Variants in UNC80 observed in about 807,000 individuals in gnomAD.
The protein encoded by UNC80 is protein unc-80 homolog.
UNC80 carries 164 observed loss-of-function variants against 384.6 expected under a neutral mutation model. The observed-to-expected ratio is 0.43, with a 90% CI of 0.38 to 0.49. The LOEUF (loss-of-function observed/expected upper bound fraction) is 0.49. Among genes scored for constraint, UNC80 ranks in the 20% least tolerant of loss-of-function variants. UNC80 has a pLI of 0.00. For synonymous variants in UNC80, 1,486 were observed against 1,527.8 expected (o/e 0.97, Z 0.64); for missense variants, 3,330 against 4,143.0 (o/e 0.80, Z 5.39).
At chr2:209,956,605 G>C (rs1215424615) in intron 48 of UNC80, among the ~76,000 whole-genome samples, 1 of 151,422 alleles carries the variant, frequency 6.6e-6, no homozygotes, top group Non-Finnish European at 1.5e-5. Context: ...TATACTTTAA[G>C]TTTTAGGGTA....
intron 7 of UNC80, among the ~76,000 whole-genome samples, chr2:209,805,710 C>T (rs2078851332): frequency 6.6e-6 from 1 of 151,816 alleles, no homozygotes; most frequent in African/African-American, 2.4e-5. Context: ...ATAACCTAAT[C>T]TTCTATAACC....
At chr2:209,960,403 G>A (rs1445942360) in intron 51 of UNC80, among the ~76,000 whole-genome samples, 9 of 152,190 alleles carry the variant, frequency 5.9e-5, no homozygotes, top group Admixed American at 5.9e-4. Flanking sequence ...CCGTATTTGT[G>A]TTTCAAAAGG....
chr2:209,984,111 G>A (rs2125024850), intron 60 of UNC80, among the ~76,000 whole-genome samples: 1 of 152,270 alleles, frequency 6.6e-6, no homozygotes, highest in South Asian at 2.1e-4. Context: ...AAGCATGACA[G>A]TTTCTGTTCA....
At chr2:209,991,472 T>TG (rs1367354776) in intron 61 of UNC80, among the ~76,000 whole-genome samples, 1 of 152,192 alleles carries the variant, frequency 6.6e-6, no homozygotes, top group Non-Finnish European at 1.5e-5. Flanking sequence ...ACAGTAAATT[T>TG]GGGGGGAGCA....
chr2:209,940,106 A>T (rs1329276435), intron 43 of UNC80, among the ~76,000 whole-genome samples: 1 of 152,238 alleles, frequency 6.6e-6, no homozygotes, highest in South Asian at 2.1e-4. Flanking sequence ...GCTAGTCATC[A>T]GCAGTTGAAG....
At chr2:209,810,566 C>G (rs185188531) in intron 7 of UNC80, among the ~76,000 whole-genome samples, 1 of 148,916 alleles carries the variant, frequency 6.7e-6, no homozygotes, top group Admixed American at 6.6e-5. Flanking sequence ...CCTTCGTATC[C>G]TTCTTGGAAG....
At chr2:209,837,802 C>T (rs1275483205) in intron 18 of UNC80, among the ~76,000 whole-genome samples, 5 of 148,228 alleles carry the variant, frequency 3.4e-5, no homozygotes, top group African/African-American at 1.2e-4. Flanking sequence ...GACGGAGTCT[C>T]GCTCTTTCGC....
chr2:209,788,952 CT>C (rs1459191905), intron 5 of UNC80, among the ~76,000 whole-genome samples: 2 of 152,088 alleles, frequency 1.3e-5, no homozygotes, highest in Non-Finnish European at 2.9e-5. Flanking sequence ...ATCTTTTATA[CT>C]GTATTTTTAC....
intron 28 of UNC80, among the ~76,000 whole-genome samples, chr2:209,896,981 A>G (rs780885258): frequency 9.2e-5 from 14 of 152,122 alleles, no homozygotes; most frequent in Non-Finnish European, 1.5e-4. Context: ...CCTCAGTTGT[A>G]CAAGTGGCAG....
chr2:209,844,688 C>T (rs897728502), intron 21 of UNC80, among the ~76,000 whole-genome samples: 1 of 151,614 alleles, frequency 6.6e-6, no homozygotes, highest in African/African-American at 2.4e-5. Context: ...CTCCCAGGCT[C>T]AAATGATCGT....
At chr2:209,972,725 C>A (rs944868894) in intron 55 of UNC80, among the ~76,000 whole-genome samples, 1 of 152,170 alleles carries the variant, frequency 6.6e-6, no homozygotes, top group Non-Finnish European at 1.5e-5. Flanking sequence ...TTTCATTACT[C>A]TTTCTTCTTA....
chr2:209,798,344 A>G (rs1235383180), intron 7 of UNC80, among the ~76,000 whole-genome samples: 3 of 152,172 alleles, frequency 2.0e-5, no homozygotes, highest in Admixed American at 6.5e-5. Flanking sequence ...TGTATAAGGT[A>G]TAAGAAAGGA....
At chr2:209,975,049 A>G (rs2092977580) in intron 56 of UNC80, among the ~76,000 whole-genome samples, 1 of 152,208 alleles carries the variant, frequency 6.6e-6, no homozygotes, top group African/African-American at 2.4e-5. Flanking sequence ...TCTGTGTTAC[A>G]TGGCATGGTT....
intron 24 of UNC80, 27 bp downstream of exon 24, chr2:209,878,116 A>T: frequency 2.0e-6 from 3 of 1,496,978 alleles, no homozygotes; most frequent in Non-Finnish European, 2.7e-6. Context: ...TACTACAAGA[A>T]CCCCTGCTTG....
In UNC80 at chr2:209,820,685, A is replaced by T; in HGVS notation, c.2331+6A>T. ...ATGATAAGAACCAAGAGAAGGTATG[A>T]CTGAACCACCTTATGTGTCCTCATG... On this transcript the variant is annotated splice_donor_region_variant and intron_variant, in intron 13 of 64. Coordinates refer to ENST00000673920, the MANE Select transcript of UNC80 (RefSeq NM_001371986.1). 1 of 1,531,314 alleles carries T rather than the reference A, an allele frequency of 6.5e-7. No individual in the cohort carries two copies. Among genetic ancestry groups the T allele is most frequent in the African/African-American group, 1.4e-5 (1 of 72,310 alleles). The allele number at this position is 1,531,314 out of a possible 1,614,324, so 94.9% of individuals were successfully genotyped here.
Position 209,894,238 on chromosome 2 carries a change from A to AG in UNC80, c.4358dup (p.Ser1454PhefsTer24). On this transcript the variant is annotated frameshift_variant, in exon 27 of 65. Transcript: ENST00000673920. LOFTEE classifies it high-confidence loss of function. ...GGAACCCGCAGTTTCCAGGTGAAGA[A>AG]GGGGGGTTCCTTGTCCAGCATTCGC... 2 of 985,366 alleles carry AG rather than the reference A, an allele frequency of 2.0e-6. No individual in the cohort carries two copies. The highest frequency in any genetic ancestry group is 1.1e-4 in the East Asian group (1 of 8,814). 61.0% of individuals were successfully genotyped at this position (985,366 alleles called of 1,614,324 possible). A position where few individuals can be genotyped will look rare whatever the true frequency, so the allele number is the denominator to read the frequency against.
At position 209,826,938 on chromosome 2, in the gene UNC80, G is replaced by A. The variant is rs76745864; in HGVS notation, c.2478+885G>A. On this transcript the variant is annotated intron_variant, in intron 14 of 64. Coordinates refer to ENST00000673920, the MANE Select transcript of UNC80 (RefSeq NM_001371986.1). ...TTGATATTAGGTTTTGTCATGAAAT[G>A]TTCACACAGTATTAGCATGCTGGGT... Among the ~76,000 whole-genome samples the A allele has an allele frequency of 1.3e-4, 20 of 152,202 alleles. No homozygotes were observed. The East Asian group carries it at 3.9e-3, about 29-fold the overall frequency.
rs1256871806 is a variant in UNC80, at chr2:209,939,710, T to C, written c.6646+58T>C. On this transcript the variant is annotated intron_variant, in intron 43 of 64. Transcript: ENST00000673920. ...CTTTTTCTAACACACTTGTTGTTTT[T>C]TTTTAAAATTTTATTATTATTATAC... is the stretch of plus-strand genomic sequence containing the variant. 4 of 1,414,860 alleles carry C rather than the reference T, an allele frequency of 2.8e-6. No homozygotes were observed. In the Admixed American group the frequency reaches 8.3e-5, roughly 29 times the overall value. The allele number at this position is 1,414,860 out of a possible 1,614,324, so 87.6% of individuals were successfully genotyped here.
At chr2:209,899,239 G>A (rs2087123660) in intron 28 of UNC80, among the ~76,000 whole-genome samples, 2 of 152,280 alleles carry the variant, frequency 1.3e-5, no homozygotes, top group East Asian at 1.9e-4. Flanking sequence ...GTAGATACAT[G>A]TCATTATACA....
Sources: gnomAD v4.1 joint callset for allele counts (sites outside exome capture counted in the v4.1 genomes callset) on GRCh38, gnomAD v4.1.1 for gene constraint, MANE v1.5 for transcripts, NCBI Gene and HGNC (gene_info 2026-07-23, HGNC 2026-07-21) for gene names.